Variants in GRIK2 observed in about 807,000 individuals in gnomAD.
GRIK2 encodes the protein glutamate ionotropic receptor kainate type subunit 2, also known as glutamate receptor ionotropic, kainate 2.
A neutral mutation model predicts 100.3 loss-of-function variants in GRIK2; 32 were observed. The observed-to-expected ratio is 0.32, with a 90% CI of 0.24 to 0.43. The LOEUF is 0.43. Ranked by LOEUF, GRIK2 falls within the 20% of genes least tolerant of loss-of-function variation. GRIK2 has a pLI of 1.00. For missense variants in GRIK2, 843 were observed against 1,114.9 expected, an observed-to-expected ratio of 0.76 and a Z score of 3.47; for synonymous variants, 417 against 389.4, an observed-to-expected ratio of 1.07 and a Z score of -0.83.
At chr6:101,770,310 G>T (rs946741504) in intron 7 of GRIK2, among the ~76,000 whole-genome samples, 1 of 151,958 alleles carries the variant, frequency 6.6e-6, no homozygotes, top group Non-Finnish European at 1.5e-5. Context: ...TTGCCCATAC[G>T]TCACCACCCT....
intron 2 of GRIK2, among the ~76,000 whole-genome samples, chr6:101,500,779 C>A (rs1773708207): frequency 1.3e-5 from 2 of 151,942 alleles, no homozygotes; most frequent in Non-Finnish European, 2.9e-5. Flanking sequence ...TATTTCACAA[C>A]CAGGGTTTAG....
At chr6:101,867,390 CT>C (rs1785118441) in intron 11 of GRIK2, among the ~76,000 whole-genome samples, 1 of 149,518 alleles carries the variant, frequency 6.7e-6, no homozygotes, top group Admixed American at 6.7e-5. Context: ...TATTTTTAAA[CT>C]TTTTTTCTCA....
chr6:101,933,005 G>A (rs1026671881), intron 14 of GRIK2, among the ~76,000 whole-genome samples: 36 of 151,978 alleles, frequency 2.4e-4, no homozygotes, highest in African/African-American at 7.0e-4. Flanking sequence ...CACACACGCC[G>A]TTCTTTTAAA....
chr6:101,468,826 TTCC>T (rs1204237076), intron 2 of GRIK2, among the ~76,000 whole-genome samples: 1 of 152,084 alleles, frequency 6.6e-6, no homozygotes, highest in Non-Finnish European at 1.5e-5. Context: ...TGTTATAAGG[TTCC>T]TCATGATAAT....
chr6:101,516,801 A>T (rs1201403022), intron 2 of GRIK2, among the ~76,000 whole-genome samples: 1 of 152,142 alleles, frequency 6.6e-6, no homozygotes, highest in Non-Finnish European at 1.5e-5. Context: ...TAAAAACTGA[A>T]TATCCTCATC....
At chr6:101,951,998 C>T (rs959785337) in intron 14 of GRIK2, among the ~76,000 whole-genome samples, 1 of 152,218 alleles carries the variant, frequency 6.6e-6, no homozygotes, top group Non-Finnish European at 1.5e-5. Context: ...AGAGAAAAGA[C>T]AGGTAACATT....
At chr6:101,858,187 A>T (rs1304759230) in intron 10 of GRIK2, among the ~76,000 whole-genome samples, 1 of 151,614 alleles carries the variant, frequency 6.6e-6, no homozygotes, top group African/African-American at 2.4e-5. Flanking sequence ...ACTTAGGAGG[A>T]TCTGATAATA....
At chr6:101,887,788 C>G (rs1225014047) in intron 11 of GRIK2, among the ~76,000 whole-genome samples, 1 of 151,962 alleles carries the variant, frequency 6.6e-6, no homozygotes, top group Non-Finnish European at 1.5e-5. Flanking sequence ...CCTGAGAACT[C>G]TATCAGGAGA....
intron 14 of GRIK2, among the ~76,000 whole-genome samples, chr6:101,992,210 G>T (rs951932105): frequency 6.6e-6 from 1 of 151,490 alleles, no homozygotes; most frequent in African/African-American, 2.4e-5. Context: ...TTCTACAAAG[G>T]TTCAGGATGT....
rs145457600 is a variant in GRIK2 at position 101,922,376 on chromosome 6, C to T, written c.1749-2225C>T. Among the ~76,000 whole-genome samples, 885 of 152,140 alleles carry T rather than the reference C, an allele frequency of 5.8e-3. 7 individuals are homozygous for T. Among genetic ancestry groups the T allele is most frequent in the Non-Finnish European group, 0.01 (682 of 68,010 alleles). On this transcript the variant is annotated intron_variant, in intron 12 of 16. Transcript: ENST00000369134. Reference sequence around the variant, plus strand: ...CTAGTGATCTCAGTCAAACAAATTACACAGTCTCACTATCTTTAGCTATGT... The same window carrying T: ...CTAGTGATCTCAGTCAAACAAATTATACAGTCTCACTATCTTTAGCTATGT...
chr6:101,539,423 G>C (rs1257712459), intron 2 of GRIK2, among the ~76,000 whole-genome samples: 3 of 151,626 alleles, frequency 2.0e-5, no homozygotes, highest in African/African-American at 4.8e-5. Context: ...ATACTTGAAG[G>C]CTTTTATTTT....
At position 101,529,331 on chromosome 6, in the gene GRIK2, G is replaced by A. The variant is rs192493829; in HGVS notation, c.116-92618G>A. Reference sequence around the variant, plus strand: ...TAGCTAAATGAATGTATTCTCACCCGATAATTCCATTATAGTCTCCAAGGC... The same window carrying A: ...TAGCTAAATGAATGTATTCTCACCCAATAATTCCATTATAGTCTCCAAGGC... On this transcript the variant is annotated intron_variant, in intron 2 of 16. Transcript: ENST00000369134. Among the ~76,000 whole-genome samples the A allele has an allele frequency of 2.6e-5, 4 of 152,044 alleles. No homozygotes were observed. The East Asian group carries it at 7.7e-4, about 29-fold the overall frequency.
At chr6:101,753,383 A>G (rs542223402) in intron 7 of GRIK2, among the ~76,000 whole-genome samples, 1 of 152,262 alleles carries the variant, frequency 6.6e-6, no homozygotes, top group African/African-American at 2.4e-5. Context: ...ATTTCCTAAG[A>G]AGCAAGGGCA....
rs564792848 is a variant in GRIK2, at chr6:101,870,398, T to C, written c.1524+10905T>C. ...TGTCCAATTCAATGTATAAAACTAC[T>C]TATAATCAGGAATATGCCACAAATG... On this transcript the variant is annotated intron_variant, in intron 11 of 16. Transcript: ENST00000369134. Among the ~76,000 whole-genome samples, 16 of 151,988 alleles carry C rather than the reference T, an allele frequency of 1.1e-4. No individual in the cohort carries two copies. The South Asian group carries it at 3.3e-3, about 31-fold the overall frequency.
At chr6:101,563,282 G>A (rs1414614474) in intron 2 of GRIK2, among the ~76,000 whole-genome samples, 2 of 152,114 alleles carry the variant, frequency 1.3e-5, no homozygotes, top group Non-Finnish European at 2.9e-5. Flanking sequence ...ATAAATTATT[G>A]AGAATTGTAA....
intron 14 of GRIK2, among the ~76,000 whole-genome samples, chr6:101,934,208 A>G (rs1790477957): frequency 6.6e-6 from 1 of 151,930 alleles, no homozygotes; most frequent in South Asian, 2.1e-4. Flanking sequence ...ATAGTATCAC[A>G]ATAAAGGTAA....
Position 101,922,513 on chromosome 6 carries a change from T to A in GRIK2, c.1749-2088T>A, listed in dbSNP as rs182805083. Reference sequence around the variant, plus strand: ...AAAATATGTTTTAATTATCAAGAAATTAAAATTGGAGGTTGAATAACTATA... The same window carrying A: ...AAAATATGTTTTAATTATCAAGAAAATAAAATTGGAGGTTGAATAACTATA... On this transcript the variant is annotated intron_variant, in intron 12 of 16. Coordinates refer to ENST00000369134, the MANE Select transcript of GRIK2 (RefSeq NM_021956.5). Among the ~76,000 whole-genome samples the A allele has an allele frequency of 6.8e-4, 103 of 152,302 alleles. 1 individual carries two copies. Among genetic ancestry groups the A allele is most frequent in the African/African-American group, 2.4e-3 (100 of 41,570 alleles).
At chr6:101,969,866 T>C (rs915084890) in intron 14 of GRIK2, among the ~76,000 whole-genome samples, 3 of 152,008 alleles carry the variant, frequency 2.0e-5, no homozygotes, top group Non-Finnish European at 4.4e-5. Flanking sequence ...TAATAATGGC[T>C]CTAGGCTTAA....
In GRIK2 at chr6:101,577,450, C is replaced by T. The variant is rs147595538; in HGVS notation, c.116-44499C>T. ...ATATTTAGAGTAATTTTTGTATTCT[C>T]AGAAACCATATTTTTTCTTCTAAAT... On this transcript the variant is annotated intron_variant, in intron 2 of 16. Transcript: ENST00000369134. 6.7e-3 allele frequency among the ~76,000 whole-genome samples: 1,023 copies of T among 152,106 alleles called. 11 individuals carry two copies. The highest frequency in any genetic ancestry group is 0.024 in the African/African-American group (983 of 41,546).
Sources: gnomAD v4.1 joint callset for allele counts (sites outside exome capture counted in the v4.1 genomes callset) on GRCh38, gnomAD v4.1.1 for gene constraint, MANE v1.5 for transcripts, NCBI Gene and HGNC (gene_info 2026-07-23, HGNC 2026-07-21) for gene names.